The following PCDHA12 variants were observed in gnomAD, a reference collection of about 807,000 sequenced individuals.
PCDHA12 encodes protocadherin alpha-12.
PCDHA12 carries 44 observed loss-of-function variants against 60.0 expected under a neutral mutation model. That is an observed-to-expected ratio of 0.73 (90% CI 0.58 to 0.94). PCDHA12 has a LOEUF of 0.94. Among genes scored for constraint, PCDHA12 ranks in the 40% least tolerant of loss-of-function variants. The pLI is 0.00. For missense variants in PCDHA12, 1,276 were observed against 1,239.7 expected (o/e 1.03, Z -0.44); for synonymous variants, 569 against 553.0 (o/e 1.03, Z -0.40).
intron 3 of PCDHA12, among the ~76,000 whole-genome samples, chr5:140,999,630 A>G (rs2097866462): frequency 1.3e-5 from 2 of 152,210 alleles, no homozygotes; most frequent in Non-Finnish European, 2.9e-5. Context: ...GAAACAAGGT[A>G]GAGAAAACTG....
At chr5:140,934,533 C>T (rs1418320473) in intron 1 of PCDHA12, among the ~76,000 whole-genome samples, 5 of 152,086 alleles carry the variant, frequency 3.3e-5, no homozygotes, top group African/African-American at 4.8e-5. Flanking sequence ...CGAGAGCTAC[C>T]GTTCTAATTC....
intron 1 of PCDHA12, chr5:140,926,741 A>G (rs572260372): frequency 1.7e-6 from 2 of 1,192,504 alleles, no homozygotes; most frequent in South Asian, 2.4e-5. Flanking sequence ...GGGAGGCGCA[A>G]CGTCGGCGGT....
At position 140,895,475 on chromosome 5, in the gene PCDHA12, G is replaced by A. The variant is rs532993154; in HGVS notation, c.2367+17636G>A. Among the ~76,000 whole-genome samples the A allele has an allele frequency of 2.0e-4, 31 of 152,002 alleles. No individual in the cohort carries two copies. The South Asian group carries it at 5.0e-3, about 24-fold the overall frequency. On this transcript the variant is annotated intron_variant, in intron 1 of 3. Coordinates refer to ENST00000398631, the MANE Select transcript of PCDHA12 (RefSeq NM_018903.4). ...TATTGGTCATTTCTTTATCCTCTTC[G>A]GAGAAATACCTATTCAGAACTTTTG...
At chr5:140,962,854 G>A (rs1396651838) in intron 1 of PCDHA12, among the ~76,000 whole-genome samples, 7 of 152,054 alleles carry the variant, frequency 4.6e-5, no homozygotes, top group African/African-American at 9.7e-5. Flanking sequence ...ACTTGTGCTC[G>A]GTTTGTAGAG....
At chr5:140,941,629 A>G (rs965702759) in intron 1 of PCDHA12, among the ~76,000 whole-genome samples, 12 of 151,584 alleles carry the variant, frequency 7.9e-5, no homozygotes, top group African/African-American at 2.9e-4. Context: ...CTGCTTCTTA[A>G]TTTCTGTCTT....
chr5:140,908,836 T>C (rs1206116511), intron 1 of PCDHA12, among the ~76,000 whole-genome samples: 4 of 152,200 alleles, frequency 2.6e-5, no homozygotes, highest in African/African-American at 9.7e-5. Flanking sequence ...ATAAATGGGC[T>C]GGAGTAACAT....
chr5:140,959,060 T>C (rs1201389008), intron 1 of PCDHA12, among the ~76,000 whole-genome samples: 1 of 152,138 alleles, frequency 6.6e-6, no homozygotes, highest in Admixed American at 6.5e-5. Context: ...AAATGCAGTA[T>C]ATATAGAATT....
In PCDHA12 at chr5:140,875,336, G is replaced by T; in HGVS notation, c.-137G>T. ...TTCCAATCATTCACGGAATAGGATC[G>T]ACTCCATAATGACTGTGATGCTGGA... On this transcript the variant is annotated 5_prime_UTR_variant, in exon 1 of 4. Coordinates refer to ENST00000398631, the MANE Select transcript of PCDHA12 (RefSeq NM_018903.4). 7.0e-7 allele frequency: 1 copy of T among 1,438,564 alleles called. No individual in the cohort carries two copies. The highest frequency in any genetic ancestry group is 9.1e-7 in the Non-Finnish European group (1 of 1,099,608). The allele number at this position is 1,438,564 out of a possible 1,614,324, so 89.1% of individuals were successfully genotyped here. A position where few individuals can be genotyped will look rare whatever the true frequency, so the allele number is the denominator to read the frequency against.
intron 1 of PCDHA12, among the ~76,000 whole-genome samples, chr5:140,888,041 A>G (rs571709864): frequency 2.0e-5 from 3 of 152,296 alleles, no homozygotes; most frequent in South Asian, 4.1e-4. Context: ...TAGTACATGT[A>G]TAATAGATGT....
intron 1 of PCDHA12, among the ~76,000 whole-genome samples, chr5:140,977,637 T>C (rs1440093548): frequency 6.6e-6 from 1 of 152,228 alleles, no homozygotes; most frequent in Non-Finnish European, 1.5e-5. Flanking sequence ...TAACTTTTTC[T>C]GGGCCTTGAC....
At position 140,946,631 on chromosome 5, in the gene PCDHA12, T is replaced by TATATATATATACAC. The variant is rs57893927; in HGVS notation, c.2368-32317_2368-32316insTATATATATACACA. Among the ~76,000 whole-genome samples, 93 of 131,838 alleles carry TATATATATATACAC rather than the reference T, an allele frequency of 7.1e-4. 3 individuals carry two copies. Among genetic ancestry groups the TATATATATATACAC allele is most frequent in the East Asian group, 2.3e-3 (11 of 4,866 alleles). 86.5% of individuals were successfully genotyped at this position (131,838 alleles called of 152,430 possible). A position where few individuals can be genotyped will look rare whatever the true frequency, so the allele number is the denominator to read the frequency against. ...TGTGAAATATATATATATATATATA[T>TATATATATATACAC]ACAATGGAATACTCATCAGCCATTA... On this transcript the variant is annotated intron_variant, in intron 1 of 3. Transcript: ENST00000398631.
chr5:140,993,528 A>G (rs78672098), intron 3 of PCDHA12, among the ~76,000 whole-genome samples: 1 of 151,976 alleles, frequency 6.6e-6, no homozygotes, highest in Admixed American at 6.6e-5. Context: ...AGAGACAGAG[A>G]GAGAGAGAGA....
At chr5:140,987,314 G>A (rs1554249065) in intron 3 of PCDHA12, among the ~76,000 whole-genome samples, 1 of 152,126 alleles carries the variant, frequency 6.6e-6, no homozygotes, top group Non-Finnish European at 1.5e-5. Flanking sequence ...CCAATGTACT[G>A]TGAAGTTTTA....
chr5:140,878,313 AT>A (rs2057535405), intron 1 of PCDHA12, among the ~76,000 whole-genome samples: 1 of 152,186 alleles, frequency 6.6e-6, no homozygotes, highest in Non-Finnish European at 1.5e-5. Flanking sequence ...CAATCTAGAC[AT>A]TTTCACATTA....
rs781790454 is a variant in PCDHA12 at position 140,877,016 on chromosome 5, G to A, written c.1544G>A (p.Gly515Asp). Residue 515 changes from glycine to aspartate, a missense_variant, in exon 1 of 4, where the codon GGC becomes GAC. Coordinates refer to ENST00000398631, the MANE Select transcript of PCDHA12 (RefSeq NM_018903.4). The stretch of plus-strand genomic sequence containing the variant: ...TACGTGTCGGTGCACGCGGAGAGCG[G>A]CAAGGTGTACGCGCTGCAGCCGCTA... ...SSYVSVHAES[G>D]KVYALQPLDH... The A allele has an allele frequency of 1.2e-6, 2 of 1,612,362 alleles. No homozygotes were observed. Among genetic ancestry groups the A allele is most frequent in the Non-Finnish European group, 1.7e-6 (2 of 1,179,824 alleles).
chr5:140,926,981 C>T (rs1420415867), intron 1 of PCDHA12: 3 of 1,610,216 alleles, frequency 1.9e-6, no homozygotes, highest in Admixed American at 1.7e-5. Context: ...CCGGAGGAGA[C>T]GGAGCGGGGC....
At chr5:140,897,580 G>A (rs1420816335) in intron 1 of PCDHA12, among the ~76,000 whole-genome samples, 1 of 151,964 alleles carries the variant, frequency 6.6e-6, no homozygotes, top group African/African-American at 2.4e-5. Flanking sequence ...TCTTAATCCA[G>A]TCTGTCATTG....
intron 1 of PCDHA12, 178 bp downstream of exon 1, chr5:140,878,017 G>A: frequency 1.2e-6 from 1 of 800,034 alleles, no homozygotes; most frequent in Non-Finnish European, 1.8e-6. Flanking sequence ...ATTAATGAAG[G>A]AAATATGTAG....
At chr5:140,997,668 T>TTA (rs2097778675) in intron 3 of PCDHA12, among the ~76,000 whole-genome samples, 1 of 148,244 alleles carries the variant, frequency 6.7e-6, no homozygotes, top group African/African-American at 2.5e-5. Flanking sequence ...ATTATACAGC[T>TTA]TGTGTGTGTG....
Sources: gnomAD v4.1 joint callset for allele counts (sites outside exome capture counted in the v4.1 genomes callset) on GRCh38, gnomAD v4.1.1 for gene constraint, MANE v1.5 for transcripts, NCBI Gene and HGNC (gene_info 2026-07-23, HGNC 2026-07-21) for gene names.